Variants in EPHA6 observed in about 807,000 individuals in gnomAD.
The protein encoded by EPHA6 is ephrin type-A receptor 6.
Under a neutral mutation model 112.0 loss-of-function variants are expected in EPHA6, and 50 were observed. That is an observed-to-expected ratio of 0.45 (90% confidence interval 0.36 to 0.56). EPHA6 has a LOEUF of 0.56. EPHA6 is among the 20% of genes least tolerant of loss of function. EPHA6 has a pLI of 0.00. For missense variants in EPHA6, 1,280 were observed against 1,417.4 expected (o/e 0.90, Z 1.56); for synonymous variants, 529 against 490.7 (o/e 1.08, Z -1.03).
At chr3:97,283,302 AATT>A (rs1041387076) in intron 5 of EPHA6, among the ~76,000 whole-genome samples, 10 of 152,204 alleles carry the variant, frequency 6.6e-5, no homozygotes, top group Admixed American at 2.6e-4. Context: ...TTGAAATATA[AATT>A]ATTATCTTGC....
intron 14 of EPHA6, among the ~76,000 whole-genome samples, chr3:97,640,376 G>T (rs2093990479): frequency 1.3e-5 from 2 of 152,178 alleles, no homozygotes; most frequent in Admixed American, 1.3e-4. Flanking sequence ...TACCTGAGTG[G>T]CACTCCAAGA....
chr3:97,012,607 G>GTGTATATA (rs368002096), intron 3 of EPHA6, among the ~76,000 whole-genome samples: 25 of 132,092 alleles, frequency 1.9e-4, no homozygotes, highest in African/African-American at 7.8e-4. Context: ...GTGTGTGTGT[G>GTGTATATA]TATATATATA....
chr3:97,544,391 C>T (rs1395623292), intron 11 of EPHA6, among the ~76,000 whole-genome samples: 8 of 152,128 alleles, frequency 5.3e-5, no homozygotes, highest in Admixed American at 3.9e-4. Flanking sequence ...TGCTGGATTA[C>T]ATTTATTGAT....
At chr3:96,885,193 G>T (rs1299000032) in intron 2 of EPHA6, among the ~76,000 whole-genome samples, 1 of 152,028 alleles carries the variant, frequency 6.6e-6, no homozygotes, top group Non-Finnish European at 1.5e-5. Flanking sequence ...TTTGTTTTTG[G>T]TTATGTCCTT....
intron 14 of EPHA6, among the ~76,000 whole-genome samples, chr3:97,691,513 A>G (rs1310497326): frequency 6.6e-6 from 1 of 152,194 alleles, no homozygotes; most frequent in African/African-American, 2.4e-5. Context: ...TGAATTACAT[A>G]TAGCCTAGTA....
intron 2 of EPHA6, among the ~76,000 whole-genome samples, chr3:96,948,323 G>A (rs1451593347): frequency 6.6e-6 from 1 of 152,126 alleles, no homozygotes; most frequent in East Asian, 1.9e-4. Flanking sequence ...ACCACATAAA[G>A]TTGATTGTGA....
chr3:97,108,699 A>G (rs1236988199), intron 3 of EPHA6, among the ~76,000 whole-genome samples: 1 of 152,146 alleles, frequency 6.6e-6, no homozygotes, highest in Non-Finnish European at 1.5e-5. Context: ...TCTCATTTTT[A>G]ATAGCTTTAT....
intron 11 of EPHA6, 38 bp downstream of exon 11, chr3:97,532,581 C>A (rs142938533): frequency 2.6e-6 from 4 of 1,519,412 alleles, no homozygotes; most frequent in African/African-American, 2.8e-5. Flanking sequence ...CTTTCACACA[C>A]CTATCTCAGT....
chr3:97,272,371 A>G (rs368971911), intron 5 of EPHA6, among the ~76,000 whole-genome samples: 1 of 152,044 alleles, frequency 6.6e-6, no homozygotes, highest in East Asian at 1.9e-4. Flanking sequence ...GCTGCACGAC[A>G]GGGATACACT....
At chr3:97,558,382 A>G (rs1371112021) in intron 11 of EPHA6, among the ~76,000 whole-genome samples, 1 of 151,992 alleles carries the variant, frequency 6.6e-6, no homozygotes, top group Non-Finnish European at 1.5e-5. Flanking sequence ...CTCAGTTTCT[A>G]CCTAAAGAGT....
At chr3:97,479,493 A>G (rs1577525141) in intron 9 of EPHA6, 129 bp downstream of exon 9, 3 of 522,720 alleles carry the variant, frequency 5.7e-6, no homozygotes, top group Non-Finnish European at 9.4e-6. Context: ...CAGCATTAAG[A>G]ATTTTCATCT....
chr3:96,949,965 G>A (rs2041455248), intron 2 of EPHA6, among the ~76,000 whole-genome samples: 1 of 152,072 alleles, frequency 6.6e-6, no homozygotes, highest in Non-Finnish European at 1.5e-5. Context: ...AACATTCATA[G>A]CTTTGAAGTC....
At position 97,605,210 on chromosome 3, in the gene EPHA6, G is replaced by A. The variant is rs115167973; in HGVS notation, c.2513-5583G>A. Among the ~76,000 whole-genome samples, 492 of 151,478 alleles carry A rather than the reference G, an allele frequency of 3.2e-3. 3 individuals are homozygous for A. The highest frequency in any genetic ancestry group is 0.011 in the African/African-American group (470 of 41,466). On this transcript the variant is annotated intron_variant, in intron 12 of 17. Transcript: ENST00000389672. ...TTTTAAAGTATATGATTTTTGTCAA[G>A]TAGAGATAACAAGAAGGCAGTCTTC...
intron 5 of EPHA6, among the ~76,000 whole-genome samples, chr3:97,255,340 A>T (rs2079275976): frequency 6.6e-6 from 1 of 152,190 alleles, no homozygotes; most frequent in African/African-American, 2.4e-5. Flanking sequence ...TCATTCTGGC[A>T]ACAGTAATGG....
intron 3 of EPHA6, among the ~76,000 whole-genome samples, chr3:97,216,363 C>G (rs755408066): frequency 6.6e-6 from 1 of 152,080 alleles, no homozygotes; most frequent in Non-Finnish European, 1.5e-5. Context: ...ATGAGGAATC[C>G]ACCTCCATGA....
chr3:97,291,532 C>A (rs1252904677), intron 5 of EPHA6, among the ~76,000 whole-genome samples: 28 of 148,854 alleles, frequency 1.9e-4, no homozygotes, highest in Admixed American at 6.6e-5. Context: ...AGAGTTTGTT[C>A]TTTCTTTTTT....
chr3:97,648,262 A>C (rs1000060174), intron 14 of EPHA6: 1 of 864,690 alleles, frequency 1.2e-6, no homozygotes, highest in East Asian at 2.4e-5. Flanking sequence ...TAACATCTTA[A>C]TTCTGTTTAC....
chr3:97,279,153 T>C (rs188794400), intron 5 of EPHA6, among the ~76,000 whole-genome samples: 1 of 152,150 alleles, frequency 6.6e-6, no homozygotes, highest in Non-Finnish European at 1.5e-5. Flanking sequence ...TTACTAAGTA[T>C]GAAAAGGGCC....
intron 15 of EPHA6, among the ~76,000 whole-genome samples, chr3:97,724,750 C>CT (rs760478229): frequency 7.4e-4 from 109 of 148,090 alleles, no homozygotes; most frequent in Non-Finnish European, 1.3e-3. Context: ...AGTCCGGTAT[C>CT]TTTTTTTTTT....
Sources: allele counts gnomAD v4.1 joint callset (sites outside exome capture counted in the v4.1 genomes callset), GRCh38; gene constraint gnomAD v4.1.1; transcripts MANE v1.5; gene names NCBI Gene and HGNC (gene_info 2026-07-23, HGNC 2026-07-21).